SNRPB2: variants seen among roughly 807,000 people sequenced by gnomAD.
The protein encoded by SNRPB2 is small nuclear ribonucleoprotein polypeptide B2.
Under a neutral mutation model 26.3 loss-of-function variants are expected in SNRPB2, and 16 were observed. The observed-to-expected ratio is 0.61, with a 90% confidence interval of 0.41 to 0.92. SNRPB2 has a LOEUF of 0.92. SNRPB2 is among the 40% of genes least tolerant of loss of function. The pLI, the probability that SNRPB2 is intolerant of heterozygous loss-of-function variation, is 0.00. For synonymous variants in SNRPB2, 75 were observed against 89.0 expected (o/e 0.84, Z 0.88); for missense variants, 179 against 268.1 (o/e 0.67, Z 2.32).
chr20:16,735,226 C>T (rs1301409366), intron 3 of SNRPB2, among the ~76,000 whole-genome samples: 1 of 151,142 alleles, frequency 6.6e-6, no homozygotes, highest in Non-Finnish European at 1.5e-5. Context: ...TAAAATGTTT[C>T]TTGTTCTCTT....
In SNRPB2 at chr20:16,737,305, G is replaced by A; in HGVS notation, c.282G>A (p.Met94Ile). ...AKTDSDIISKMRGTFADKEKK... is the reference protein window; with the variant it reads ...AKTDSDIISKIRGTFADKEKK... ...CAGATTCGGATATAATATCAAAAAT[G>A]CGTGGAACTTTTGCTGACAAAGAAA... is the stretch of plus-strand genomic sequence containing the variant. The change falls in exon 4 of 7, where the codon ATG becomes ATA. Residue 94 changes from methionine (M) to isoleucine (I), a missense_variant. Physicochemically the swap from Met to Ile is conservative, Grantham distance 10. Around this residue, in one of 2 missense-constraint regions of SNRPB2, gnomAD observed 145 missense variants for 180.7 expected, o/e 0.80. Transcript: ENST00000246071. 1 of 1,605,806 alleles carries A rather than the reference G, an allele frequency of 6.2e-7. No individual in the cohort carries two copies. Among genetic ancestry groups the A allele is most frequent in the Non-Finnish European group, 8.5e-7 (1 of 1,177,494 alleles).
chr20:16,739,080 T>G (rs1316859732), intron 5 of SNRPB2, among the ~76,000 whole-genome samples, 178 bp downstream of exon 5: 1 of 152,256 alleles, frequency 6.6e-6, no homozygotes, highest in Non-Finnish European at 1.5e-5. Context: ...TTTAATTCTT[T>G]TTTAGAGAGA....
At position 16,737,265 on chromosome 20, in the gene SNRPB2, T is replaced by C; in HGVS notation, c.242T>C (p.Ile81Thr). The change falls in exon 4 of 7, where the codon ATA becomes ACA. Residue 81 changes from isoleucine to threonine, a missense_variant. Ile to Thr is a moderately conservative substitution (Grantham distance 89). Around this residue, in one of 2 missense-constraint regions of SNRPB2, gnomAD observed 145 missense variants for 180.7 expected, o/e 0.80. Coordinates refer to ENST00000246071, the MANE Select transcript of SNRPB2 (RefSeq NM_003092.5). ...GTTTTCAAATAATTAAAACAGCGAA[T>C]ACAGTATGCAAAAACAGATTCGGAT... ...GFPFYGKPMR[I>T]QYAKTDSDII... 1 of 1,588,886 alleles carries C rather than the reference T, an allele frequency of 6.3e-7. No individual in the cohort carries two copies. The highest frequency in any genetic ancestry group is 8.5e-7 in the Non-Finnish European group (1 of 1,172,646).
chr20:16,740,734 A>C, intron 6 of SNRPB2, 112 bp from the exon 7 acceptor site: 1 of 802,692 alleles, frequency 1.2e-6, no homozygotes, highest in Non-Finnish European at 2.0e-6. Context: ...ATTCTTGGTT[A>C]GAGTATGGTT....
Position 16,742,303 on chromosome 20 carries a change from C to G in SNRPB2, c.*1298C>G, listed in dbSNP as rs546902587. On this transcript the variant is annotated 3_prime_UTR_variant, in exon 7 of 7. Coordinates refer to ENST00000246071, the MANE Select transcript of SNRPB2 (RefSeq NM_003092.5). ...TTTCTAACTGCTTACTCTCGGATACCGTACTTGTCTAAGAACTGAAAATAA... is the reference window on the plus strand; with the variant it reads ...TTTCTAACTGCTTACTCTCGGATACGGTACTTGTCTAAGAACTGAAAATAA... 1 of 152,076 alleles carries G rather than the reference C, an allele frequency of 6.6e-6. No homozygotes were observed. Among genetic ancestry groups the G allele is most frequent in the Non-Finnish European group, 1.5e-5 (1 of 68,024 alleles). 9.4% of individuals were successfully genotyped at this position (152,076 alleles called of 1,614,324 possible). A position where few individuals can be genotyped will look rare whatever the true frequency, so the allele number is the denominator to read the frequency against.
rs1299570230 is a variant in SNRPB2, at chr20:16,740,860, A to G, written c.533A>G (p.Lys178Arg). Residue 178 changes from lysine (K) to arginine (R), a missense_variant, in exon 7 of 7, where the codon AAG becomes AGG. Coordinates refer to ENST00000246071, the MANE Select transcript of SNRPB2 (RefSeq NM_003092.5). ...SMLFNQFPGF[K>R]EVRLVPGRHD... ...CTTCTTTATAGGTTCCCTGGCTTCA[A>G]GGAAGTACGTCTGGTACCAGGGAGG... The G allele has an allele frequency of 6.2e-7, 1 of 1,611,212 alleles. No individual in the cohort carries two copies. Among genetic ancestry groups the G allele is most frequent in the Non-Finnish European group, 8.5e-7 (1 of 1,177,630 alleles).
chr20:16,741,165 T>A lies in SNRPB2; in HGVS notation c.*160T>A. 3.8e-6 allele frequency: 2 copies of A among 527,798 alleles called. No homozygotes were observed. The highest frequency in any genetic ancestry group is 3.3e-5 in the South Asian group (1 of 30,624). 32.7% of individuals were successfully genotyped at this position (527,798 alleles called of 1,614,324 possible). Reference sequence around the variant, plus strand: ...CAGTGTTTCTTTAGCCTTGGTGAACTATGAAATACGAAGGCCTTAATTTTG... The same window carrying A: ...CAGTGTTTCTTTAGCCTTGGTGAACAATGAAATACGAAGGCCTTAATTTTG... On this transcript the variant is annotated 3_prime_UTR_variant, in exon 7 of 7. Transcript: ENST00000246071.
At chr20:16,737,862 C>A (rs984235517) in intron 4 of SNRPB2, among the ~76,000 whole-genome samples, 1 of 151,552 alleles carries the variant, frequency 6.6e-6, no homozygotes, top group African/African-American at 2.4e-5. Flanking sequence ...CGGTGAAACC[C>A]CGTCTCTACT....
In SNRPB2 at chr20:16,740,909, T is replaced by A; in HGVS notation, c.582T>A (p.Phe194Leu). 6.2e-7 allele frequency: 1 copy of A among 1,612,542 alleles called. No individual in the cohort carries two copies. Among genetic ancestry groups the A allele is most frequent in the Non-Finnish European group, 8.5e-7 (1 of 1,178,570 alleles). ...GGCATGACATTGCTTTTGTTGAATT[T>A]GAAAATGATGGGCAGGCTGGAGCTG... is the stretch of plus-strand genomic sequence containing the variant. The part of the protein sequence containing the change: ...PGRHDIAFVE[F>L]ENDGQAGAAR... Residue 194 changes from phenylalanine to leucine, a missense_variant, in exon 7 of 7, where the codon TTT (phenylalanine) becomes TTA (leucine). By Grantham distance (22) the Phe-to-Leu change is conservative (BLOSUM62 0). Around this residue, in one of 2 missense-constraint regions of SNRPB2, gnomAD observed 34 missense variants for 87.4 expected, o/e 0.39. Transcript: ENST00000246071.
intron 3 of SNRPB2, among the ~76,000 whole-genome samples, chr20:16,735,941 T>C (rs1478935283): frequency 2.0e-5 from 3 of 152,248 alleles, no homozygotes; most frequent in Non-Finnish European, 4.4e-5. Context: ...CTGCGACACA[T>C]GTCAATGCTT....
At chr20:16,734,590 C>T (rs1038218535) in intron 3 of SNRPB2, among the ~76,000 whole-genome samples, 6 of 152,172 alleles carry the variant, frequency 3.9e-5, no homozygotes, top group Admixed American at 6.5e-5. Flanking sequence ...CCTAGACTAG[C>T]GTTTCTCAAC....
chr20:16,736,677 C>T (rs1470869245), intron 3 of SNRPB2, among the ~76,000 whole-genome samples: 1 of 152,150 alleles, frequency 6.6e-6, no homozygotes, highest in Non-Finnish European at 1.5e-5. Context: ...CCAGCTCCCT[C>T]AAATTGCATC....
chr20:16,740,242 T>A, intron 5 of SNRPB2, 83 bp from the exon 6 acceptor site: 1 of 1,569,478 alleles, frequency 6.4e-7, no homozygotes, highest in Non-Finnish European at 8.6e-7. Context: ...AGCTTTATTG[T>A]TTGATATAGT....
At chr20:16,738,768 T>G in intron 4 of SNRPB2, 84 bp from the exon 5 acceptor site, 3 of 758,184 alleles carry the variant, frequency 4.0e-6, no homozygotes, top group Non-Finnish European at 7.0e-6. Context: ...AATGTTATTT[T>G]TAATGCAGTA....
In SNRPB2 at chr20:16,738,919, G is replaced by T. The variant is rs529173297; in HGVS notation, c.429+17G>T. 2.9e-5 allele frequency: 45 copies of T among 1,560,714 alleles called. 1 individual carries two copies. In the South Asian group the frequency reaches 4.8e-4, roughly 17 times the overall value. On this transcript the variant is annotated intron_variant, in intron 5 of 6. Transcript: ENST00000246071. Reference sequence around the variant, plus strand: ...AATCCTCAGGTAATTTTTTTTCCATGTCGTGCTTACCTTAAAATAAGATTG... The same window carrying T: ...AATCCTCAGGTAATTTTTTTTCCATTTCGTGCTTACCTTAAAATAAGATTG...
intron 1 of SNRPB2, chr20:16,730,376 C>T (rs921406037): frequency 1.3e-5 from 2 of 152,400 alleles, no homozygotes; most frequent in African/African-American, 2.4e-5. Context: ...GTGGACAGTT[C>T]ACTGCGCTTT....
intron 3 of SNRPB2, among the ~76,000 whole-genome samples, chr20:16,735,828 T>A (rs1048734272): frequency 6.6e-6 from 1 of 152,246 alleles, no homozygotes; most frequent in African/African-American, 2.4e-5. Context: ...ATTCCACTGT[T>A]AAAGTCATTT....
Position 16,740,307 on chromosome 20 carries a change from C to G in SNRPB2, c.430-18C>G. 1.2e-6 allele frequency: 2 copies of G among 1,607,914 alleles called. No individual in the cohort carries two copies. Among genetic ancestry groups the G allele is most frequent in the South Asian group, 1.1e-5 (1 of 90,864 alleles). ...GTTTAAACTTACAAGCTAACTTTGCCTTTTTACTTTTTAATAGGTCCCTGA... is the reference window on the plus strand; with the variant it reads ...GTTTAAACTTACAAGCTAACTTTGCGTTTTTACTTTTTAATAGGTCCCTGA... On this transcript the variant is annotated intron_variant, in intron 5 of 6. Coordinates refer to ENST00000246071, the MANE Select transcript of SNRPB2 (RefSeq NM_003092.5).
intron 3 of SNRPB2, among the ~76,000 whole-genome samples, chr20:16,736,380 A>G (rs1296777739): frequency 6.6e-6 from 1 of 152,174 alleles, no homozygotes; most frequent in South Asian, 2.1e-4. Flanking sequence ...TTGTGGTGGT[A>G]GATACATTAA....
Sources: gnomAD v4.1 joint callset for allele counts (sites outside exome capture counted in the v4.1 genomes callset) on GRCh38, gnomAD v4.1.1 for gene constraint, gnomAD v4.1.1 regional missense constraint, MANE v1.5 for transcripts, NCBI Gene and HGNC (gene_info 2026-07-23, HGNC 2026-07-21) for gene names.